Variants in LMNB1 observed in about 807,000 individuals in gnomAD.
The protein encoded by LMNB1 is lamin-B1.
In LMNB1, 23 loss-of-function variants were observed where a neutral mutation model predicts 67.1. That is an observed-to-expected ratio of 0.34 (90% CI 0.25 to 0.49). The LOEUF is 0.49. Ranked by LOEUF, LMNB1 falls within the 20% of genes least tolerant of loss-of-function variation. LMNB1 has a pLI of 0.99. For synonymous variants in LMNB1, 281 were observed against 282.9 expected, an observed-to-expected ratio of 0.99 and a Z score of 0.07; for missense variants, 634 against 746.5, an observed-to-expected ratio of 0.85 and a Z score of 1.76.
intron 1 of LMNB1, among the ~76,000 whole-genome samples, chr5:126,804,238 C>CTTTTTTTTTTTT (rs61232506): frequency 4.0e-5 from 4 of 101,154 alleles, no homozygotes; most frequent in Non-Finnish European, 5.7e-5. Flanking sequence ...GTGCCAGGCT[C>CTTTTTTTTTTTT]TTTTTTTTTT....
At chr5:126,819,699 G>A (rs1488191407) in intron 6 of LMNB1, among the ~76,000 whole-genome samples, 1 of 151,842 alleles carries the variant, frequency 6.6e-6, no homozygotes, top group African/African-American at 2.4e-5. Context: ...TGTTGGCCAG[G>A]CTGGTCTCAA....
At chr5:126,833,112 C>A (rs1432528964) in intron 10 of LMNB1, among the ~76,000 whole-genome samples, 1 of 152,130 alleles carries the variant, frequency 6.6e-6, no homozygotes, top group Admixed American at 6.5e-5. Flanking sequence ...CTTGTTTACT[C>A]TGTAGGGTCC....
In LMNB1 at chr5:126,825,988, A is replaced by C. The variant is rs774947671; in HGVS notation, c.1492A>C (p.Ile498Leu). 1.2e-6 allele frequency: 2 copies of C among 1,613,718 alleles called. No individual in the cohort carries two copies. The highest frequency in any genetic ancestry group is 8.5e-7 in the Non-Finnish European group (1 of 1,179,858). Residue 498 changes from isoleucine to leucine, a missense_variant and splice_region_variant, in exon 9 of 11, where the codon ATT (isoleucine) becomes CTT (leucine). Transcript: ENST00000261366. ...YVLKAGQTVT[I>L]WAANAGVTAS... ...ACTGACATGCTTTGGTTTTTTACAG[A>C]TTTGGGCTGCAAACGCTGGTGTCAC...
chr5:126,810,641 A>G (rs1304868050), intron 4 of LMNB1, among the ~76,000 whole-genome samples: 2 of 152,252 alleles, frequency 1.3e-5, no homozygotes, highest in Non-Finnish European at 2.9e-5. Flanking sequence ...AACCCAAACC[A>G]TGTGAAATAA....
intron 3 of LMNB1, among the ~76,000 whole-genome samples, chr5:126,806,529 G>C (rs1323438247): frequency 6.6e-6 from 1 of 152,148 alleles, no homozygotes; most frequent in East Asian, 1.9e-4. Flanking sequence ...GGCAGGACGT[G>C]TCAGTTCCTC....
In LMNB1 at chr5:126,777,405, A is replaced by G; in HGVS notation, c.-104A>G. ...AACGCCAGCGTCTGGACGTGAGCGC[A>G]GGTCGCCGGTTTGTGCCTTCGGTCC... On this transcript the variant is annotated 5_prime_UTR_variant, in exon 1 of 11. Transcript: ENST00000261366. The G allele has an allele frequency of 8.3e-7, 1 of 1,204,892 alleles. No homozygotes were observed. 74.6% of individuals were successfully genotyped at this position (1,204,892 alleles called of 1,614,324 possible). A position where few individuals can be genotyped will look rare whatever the true frequency, so the allele number is the denominator to read the frequency against.
chr5:126,820,456 A>C (rs1291589561), intron 6 of LMNB1, among the ~76,000 whole-genome samples: 1 of 152,180 alleles, frequency 6.6e-6, no homozygotes, highest in East Asian at 1.9e-4. Flanking sequence ...AGTTAAGGTA[A>C]ACTTTGGCTT....
intron 10 of LMNB1, among the ~76,000 whole-genome samples, 173 bp downstream of exon 10, chr5:126,832,974 G>A (rs1752170715): frequency 6.6e-6 from 1 of 152,194 alleles, no homozygotes; most frequent in Admixed American, 6.5e-5. Flanking sequence ...TAGGGTACTG[G>A]AAGAATATGT....
rs548056547 is a variant in LMNB1, at chr5:126,790,976, G to A, written c.359+13109G>A. 7.9e-5 allele frequency among the ~76,000 whole-genome samples: 12 copies of A among 152,088 alleles called. No homozygotes were observed. In the South Asian group the frequency reaches 8.3e-4, roughly 11 times the overall value. On this transcript the variant is annotated intron_variant, in intron 1 of 10. Coordinates refer to ENST00000261366, the MANE Select transcript of LMNB1 (RefSeq NM_005573.4). ...GTGGAGGTTGCAATGAGCCCAGGTC[G>A]CGCCATTGCACTCCAGCCTGAGCGA...
chr5:126,828,428 G>C (rs1752048880), intron 9 of LMNB1, among the ~76,000 whole-genome samples: 1 of 152,166 alleles, frequency 6.6e-6, no homozygotes, highest in Non-Finnish European at 1.5e-5. Flanking sequence ...GAACAAAGTA[G>C]TAGATATTAT....
At chr5:126,806,041 G>A (rs934264892) in intron 3 of LMNB1, among the ~76,000 whole-genome samples, 1 of 152,096 alleles carries the variant, frequency 6.6e-6, no homozygotes, top group African/African-American at 2.4e-5. Context: ...TTCAACCTCT[G>A]CCTCCTGGGT....
intron 5 of LMNB1, among the ~76,000 whole-genome samples, chr5:126,817,079 G>GT (rs1751730064): frequency 7.5e-5 from 1 of 13,332 alleles, no homozygotes; most frequent in African/African-American, 2.1e-4. Context: ...CGTTTGTTTG[G>GT]TTTGTTTGTT....
chr5:126,812,718 CTTTTTTTTTTTTTTT>C (rs11430160), intron 5 of LMNB1, among the ~76,000 whole-genome samples: 4 of 117,158 alleles, frequency 3.4e-5, no homozygotes, highest in Non-Finnish European at 5.2e-5. Flanking sequence ...CTTTATTTTA[CTTTTTTTTTTTTTTT>C]TTTTTTTTTC....
intron 1 of LMNB1, among the ~76,000 whole-genome samples, chr5:126,795,438 T>C (rs2973585): frequency 0.68 from 103,527 of 151,974 alleles, 35,648 homozygotes; most frequent in South Asian, 0.74. Context: ...GGGCCTGGCC[T>C]CCTAATTCAT....
At chr5:126,835,861 G>A (rs547674850) in intron 10 of LMNB1, among the ~76,000 whole-genome samples, 1 of 152,138 alleles carries the variant, frequency 6.6e-6, no homozygotes. Flanking sequence ...CCAAGGGCAG[G>A]TGGATCACTT....
At position 126,795,739 on chromosome 5, in the gene LMNB1, C is replaced by T. The variant is rs1751071356; in HGVS notation, c.360-9037C>T. 2.0e-5 allele frequency among the ~76,000 whole-genome samples: 3 copies of T among 151,694 alleles called. No homozygotes were observed. In the East Asian group the frequency reaches 5.8e-4, roughly 29 times the overall value. ...CCCCGGGTTCAAGCGATTCTCCTGC[C>T]TCAGCCTCCCGAGTAGCTGGGATTA... On this transcript the variant is annotated intron_variant, in intron 1 of 10. Transcript: ENST00000261366.
intron 3 of LMNB1, among the ~76,000 whole-genome samples, chr5:126,809,135 A>C (rs1751525398): frequency 6.6e-6 from 1 of 152,158 alleles, no homozygotes; most frequent in Non-Finnish European, 1.5e-5. Flanking sequence ...TTGGCCTCCC[A>C]AAGTGCTAGG....
At chr5:126,832,425 G>A (rs982459816) in intron 9 of LMNB1, among the ~76,000 whole-genome samples, 2 of 151,932 alleles carry the variant, frequency 1.3e-5, no homozygotes, top group Admixed American at 6.6e-5. Flanking sequence ...TCAGCCTCCT[G>A]AGTAGCTGGG....
Position 126,818,903 on chromosome 5 carries a change from T to C in LMNB1, c.940-19T>C, listed in dbSNP as rs1751790780. The C allele has an allele frequency of 1.3e-6, 2 of 1,555,686 alleles. No homozygotes were observed. Among genetic ancestry groups the C allele is most frequent in the Non-Finnish European group, 1.8e-6 (2 of 1,127,788 alleles). On this transcript the variant is annotated intron_variant, in intron 5 of 10. Coordinates refer to ENST00000261366, the MANE Select transcript of LMNB1 (RefSeq NM_005573.4). ...TTGGAATGTTCCTAGAAAGTAAATA[T>C]GTTTCCTTGCATCTTAAGTCTAGAG...
Sources: allele counts gnomAD v4.1 joint callset (sites outside exome capture counted in the v4.1 genomes callset), GRCh38; gene constraint gnomAD v4.1.1; transcripts MANE v1.5; gene names NCBI Gene and HGNC (gene_info 2026-07-23, HGNC 2026-07-21).